Variants in SMOC2 observed in about 807,000 individuals in gnomAD.
SMOC2 encodes SPARC-related modular calcium-binding protein 2.
SMOC2 carries 39 observed loss-of-function variants against 61.4 expected under a neutral mutation model. That is an observed-to-expected ratio of 0.64 (90% CI 0.49 to 0.83). The LOEUF (loss-of-function observed/expected upper bound fraction) is 0.83. SMOC2 is among the 40% of genes least tolerant of loss of function. The probability of loss-of-function intolerance (pLI) is 0.00; values close to 1 mark genes in which losing one functional copy is unlikely to be tolerated. For missense variants in SMOC2, 556 were observed against 592.9 expected (o/e 0.94, Z 0.65); for synonymous variants, 247 against 239.9 (o/e 1.03, Z -0.27).
intron 7 of SMOC2, among the ~76,000 whole-genome samples, chr6:168,573,687 G>T (rs1005020295): frequency 6.6e-6 from 1 of 152,074 alleles, no homozygotes; most frequent in Non-Finnish European, 1.5e-5. Flanking sequence ...CCTGGTATCC[G>T]CTTCACACCA....
chr6:168,443,313 C>T (rs946063940), intron 1 of SMOC2, among the ~76,000 whole-genome samples: 20 of 152,220 alleles, frequency 1.3e-4, no homozygotes, highest in African/African-American at 4.6e-4. Flanking sequence ...CTTCTCTCCC[C>T]TGTCTCATCT....
chr6:168,613,225 G>T (rs1011524711), intron 9 of SMOC2, among the ~76,000 whole-genome samples: 1 of 152,144 alleles, frequency 6.6e-6, no homozygotes, highest in African/African-American at 2.4e-5. Context: ...GCTGGGCCCT[G>T]GGGGTCAGGA....
rs528809044 is a variant in SMOC2 at position 168,523,543 on chromosome 6, A to T, written c.257-2803A>T. ...GCTGGGAACACAGGCGCCTGCCACCATGCCTGGCTAATTTTTTTTTTTATT... is the reference window on the plus strand; with the variant it reads ...GCTGGGAACACAGGCGCCTGCCACCTTGCCTGGCTAATTTTTTTTTTTATT... On this transcript the variant is annotated intron_variant, in intron 2 of 12. Transcript: ENST00000356284. 6.3e-5 allele frequency among the ~76,000 whole-genome samples: 8 copies of T among 126,334 alleles called. No homozygotes were observed. The South Asian group carries it at 2.0e-3, about 31-fold the overall frequency. 82.9% of individuals were successfully genotyped at this position (126,334 alleles called of 152,430 possible). A position where few individuals can be genotyped will look rare whatever the true frequency, so the allele number is the denominator to read the frequency against.
chr6:168,518,709 AGT>A (rs1310418730), intron 2 of SMOC2, among the ~76,000 whole-genome samples: 5 of 141,176 alleles, frequency 3.5e-5, no homozygotes, highest in East Asian at 2.2e-4. Flanking sequence ...TGCATGTGTG[AGT>A]GTTATGCTTA....
At chr6:168,590,914 T>C (rs1785167003) in intron 7 of SMOC2, among the ~76,000 whole-genome samples, 1 of 152,214 alleles carries the variant, frequency 6.6e-6, no homozygotes, top group African/African-American at 2.4e-5. Flanking sequence ...TAATAGACCT[T>C]CTACCAACTT....
At chr6:168,647,482 C>T (rs770810777) in intron 9 of SMOC2, among the ~76,000 whole-genome samples, 12 of 152,100 alleles carry the variant, frequency 7.9e-5, no homozygotes, top group Admixed American at 2.6e-4. Flanking sequence ...AGGGGGCCAG[C>T]GCCCCTGCGA....
intron 2 of SMOC2, among the ~76,000 whole-genome samples, chr6:168,513,626 A>G (rs1313207415): frequency 1.3e-5 from 2 of 152,242 alleles, no homozygotes; most frequent in East Asian, 1.9e-4. Flanking sequence ...GATTCTTTCA[A>G]TAAGTCCTGA....
At chr6:168,574,396 C>G (rs368004708) in intron 7 of SMOC2, among the ~76,000 whole-genome samples, 1 of 152,236 alleles carries the variant, frequency 6.6e-6, no homozygotes, top group Admixed American at 6.5e-5. Context: ...TTGGAGAACA[C>G]GGCGCAGATC....
At chr6:168,464,186 C>CCAA (rs1781774060) in intron 1 of SMOC2, among the ~76,000 whole-genome samples, 1 of 112,394 alleles carries the variant, frequency 8.9e-6, no homozygotes, top group African/African-American at 3.4e-5. Flanking sequence ...GCAAGACTGT[C>CCAA]AAAAAAAAAA....
In SMOC2 at chr6:168,573,361, A is replaced by T. The variant is rs1247279824; in HGVS notation, c.637+24158A>T. ...GACGCGATGCTCATTTCCTTCCCAC[A>T]TCCCCGGGTGCTGGGACCAGGGCTG... On this transcript the variant is annotated intron_variant, in intron 7 of 12. Transcript: ENST00000356284. Among the ~76,000 whole-genome samples the T allele has an allele frequency of 3.0e-5, 4 of 134,010 alleles. 1 individual carries two copies. Among genetic ancestry groups the T allele is most frequent in the Non-Finnish European group, 4.6e-5 (3 of 65,256 alleles). 87.9% of individuals were successfully genotyped at this position (134,010 alleles called of 152,430 possible).
At chr6:168,538,455 G>C (rs770998446) in intron 4 of SMOC2, among the ~76,000 whole-genome samples, 5 of 75,264 alleles carry the variant, frequency 6.6e-5, no homozygotes, top group Admixed American at 4.6e-4. Flanking sequence ...TGGGGTGACC[G>C]CTGCTGGAAT....
intron 11 of SMOC2, among the ~76,000 whole-genome samples, chr6:168,661,274 A>G (rs1787503052): frequency 2.0e-5 from 3 of 152,142 alleles, no homozygotes; most frequent in Non-Finnish European, 4.4e-5. Flanking sequence ...TTTGTTCCCT[A>G]TATTTTTGCT....
chr6:168,646,329 C>T (rs1451261346), intron 9 of SMOC2, among the ~76,000 whole-genome samples: 1 of 152,144 alleles, frequency 6.6e-6, no homozygotes, highest in African/African-American at 2.4e-5. Flanking sequence ...TTCTCTTGAT[C>T]GGTGAGTGAG....
intron 1 of SMOC2, among the ~76,000 whole-genome samples, chr6:168,469,603 T>G (rs908051766): frequency 2.6e-5 from 4 of 152,216 alleles, no homozygotes; most frequent in Non-Finnish European, 4.4e-5. Context: ...AAACCCAGGC[T>G]TGTACGGAAA....
intron 4 of SMOC2, among the ~76,000 whole-genome samples, chr6:168,540,342 G>A (rs1783850392): frequency 6.6e-6 from 1 of 152,208 alleles, no homozygotes; most frequent in African/African-American, 2.4e-5. Context: ...TTCCGGAGGG[G>A]ACCTCTCCCC....
chr6:168,549,280 T>A (rs542972238), intron 7 of SMOC2, 77 bp downstream of exon 7: 4 of 1,387,796 alleles, frequency 2.9e-6, no homozygotes, highest in East Asian at 4.6e-5. Context: ...TTTTTGGAGT[T>A]AAGTGTATTG....
intron 7 of SMOC2, among the ~76,000 whole-genome samples, chr6:168,575,439 G>A (rs555604212): frequency 1.6e-4 from 24 of 152,270 alleles, no homozygotes; most frequent in African/African-American, 5.1e-4. Flanking sequence ...ACTGTAGTGG[G>A]TGGGGAGCCC....
intron 9 of SMOC2, among the ~76,000 whole-genome samples, chr6:168,636,877 C>CGCCTCCCTCCTCCCGCCTCCCTCCTCCT (rs1786742037): frequency 7.6e-6 from 1 of 131,548 alleles, no homozygotes; most frequent in Non-Finnish European, 1.6e-5. Context: ...TCCCTCCTCC[C>CGCCTCCCTCCTCCCGCCTCCCTCCTCCT]GCCTCCCTCC....
intron 8 of SMOC2, among the ~76,000 whole-genome samples, chr6:168,606,883 G>A (rs1304846467): frequency 2.6e-5 from 4 of 152,104 alleles, no homozygotes; most frequent in African/African-American, 4.8e-5. Flanking sequence ...CACTTGCCAG[G>A]GCCTGAGGAG....
Sources: gnomAD v4.1 joint callset for allele counts (sites outside exome capture counted in the v4.1 genomes callset) on GRCh38, gnomAD v4.1.1 for gene constraint, MANE v1.5 for transcripts, NCBI Gene and HGNC (gene_info 2026-07-23, HGNC 2026-07-21) for gene names.